The following ANKS1B variants were observed in gnomAD, a reference collection of about 807,000 sequenced individuals.
The protein encoded by ANKS1B is ankyrin repeat and sterile alpha motif domain containing 1B.
A neutral mutation model predicts 148.3 loss-of-function variants in ANKS1B; 36 were observed. The observed-to-expected ratio is 0.24, with a 90% CI of 0.19 to 0.32. The LOEUF is 0.32. Among genes scored for constraint, ANKS1B ranks in the 10% least tolerant of loss-of-function variants. The pLI, the probability that ANKS1B is intolerant of heterozygous loss-of-function variation, is 1.00. For synonymous variants in ANKS1B, 542 were observed against 560.8 expected (o/e 0.97, Z 0.47); for missense variants, 1,157 against 1,542.6 (o/e 0.75, Z 4.19).
At chr12:98,942,111 T>G (rs754883659) in intron 17 of ANKS1B, among the ~76,000 whole-genome samples, 1 of 151,720 alleles carries the variant, frequency 6.6e-6, no homozygotes, top group Non-Finnish European at 1.5e-5. Flanking sequence ...CATGGTGGTA[T>G]GTGCCTGTAA....
intron 8 of ANKS1B, among the ~76,000 whole-genome samples, chr12:99,742,604 G>T (rs897283584): frequency 6.6e-6 from 1 of 151,766 alleles, no homozygotes; most frequent in South Asian, 2.1e-4. Context: ...GGAGGCCAAG[G>T]CAGGCAGATC....
chr12:99,252,491 T>C (rs1022413385), intron 12 of ANKS1B, among the ~76,000 whole-genome samples: 8 of 152,052 alleles, frequency 5.3e-5, no homozygotes, highest in African/African-American at 1.7e-4. Context: ...ACAGGTGATA[T>C]CTCCAGTAAA....
chr12:99,826,708 A>G (rs182880365), intron 1 of ANKS1B, among the ~76,000 whole-genome samples: 12 of 152,300 alleles, frequency 7.9e-5, no homozygotes, highest in African/African-American at 2.9e-4. Context: ...GTTCAATGCA[A>G]TCCCTATCAA....
intron 17 of ANKS1B, among the ~76,000 whole-genome samples, chr12:98,856,105 T>A (rs891701301): frequency 6.6e-6 from 1 of 152,232 alleles, no homozygotes; most frequent in African/African-American, 2.4e-5. Context: ...ATAAATTAAA[T>A]AATTCCTCAG....
At position 98,754,470 on chromosome 12, in the gene ANKS1B, A is replaced by C. The variant is rs112865661; in HGVS notation, c.3580-2948T>G. Among the ~76,000 whole-genome samples the C allele has an allele frequency of 3.8e-3, 577 of 152,268 alleles. 1 individual carries two copies. The highest frequency in any genetic ancestry group is 0.013 in the African/African-American group (554 of 41,560). On this transcript the variant is annotated intron_variant, in intron 25 of 26. Coordinates refer to ENST00000683438, the MANE Select transcript of ANKS1B (RefSeq NM_001352186.2). ...AAGACACAGGCTCTTGGTCTTGTTC[A>C]TGCTACTGTGGAAGATGGCTGATTC...
chr12:98,741,343 G>C (rs796081610), downstream of ANKS1B, among the ~76,000 whole-genome samples: 18 of 152,274 alleles, frequency 1.2e-4, no homozygotes, highest in African/African-American at 4.3e-4. Context: ...AAGTCATAAA[G>C]CTACTGAACA....
intron 14 of ANKS1B, among the ~76,000 whole-genome samples, chr12:99,222,459 A>G (rs2085279595): frequency 6.6e-6 from 1 of 152,180 alleles, no homozygotes; most frequent in Admixed American, 6.5e-5. Flanking sequence ...TACCAAAAAT[A>G]CAAAAAATTA....
At chr12:99,082,256 G>A (rs1272431673) in intron 16 of ANKS1B, among the ~76,000 whole-genome samples, 5 of 152,166 alleles carry the variant, frequency 3.3e-5, no homozygotes, top group Admixed American at 2.0e-4. Context: ...ATCACACTAA[G>A]TGGCATGAAG....
intron 15 of ANKS1B, among the ~76,000 whole-genome samples, chr12:99,139,438 CTT>C (rs147656659): frequency 0.11 from 396 of 3,484 alleles, 152 homozygotes; most frequent in East Asian, 0.7. Context: ...TTCTTTCTTT[CTT>C]TTTCTTTCTT....
At chr12:99,646,791 T>G (rs1010184784) in intron 9 of ANKS1B, among the ~76,000 whole-genome samples, 1 of 151,782 alleles carries the variant, frequency 6.6e-6, no homozygotes, top group African/African-American at 2.4e-5. Flanking sequence ...ATTGAAAATA[T>G]TTGCAATACC....
At chr12:99,323,156 G>C (rs1263823981) in intron 12 of ANKS1B, among the ~76,000 whole-genome samples, 1 of 152,134 alleles carries the variant, frequency 6.6e-6, no homozygotes, top group Non-Finnish European at 1.5e-5. Context: ...TGAAGGGTCA[G>C]CATACTGATA....
chr12:99,781,063 C>CAAAAAAAAAAAAAAAAAAAAAATTAAA (rs35901124), intron 5 of ANKS1B, among the ~76,000 whole-genome samples: 1 of 120,234 alleles, frequency 8.3e-6, no homozygotes, highest in African/African-American at 3.2e-5. Flanking sequence ...CACATAATTG[C>CAAAAAAAAAAAAAAAAAAAAAATTAAA]AAAAAAAAAA....
intron 17 of ANKS1B, among the ~76,000 whole-genome samples, chr12:99,021,387 C>G (rs1206105599): frequency 6.6e-6 from 1 of 151,978 alleles, no homozygotes; most frequent in Non-Finnish European, 1.5e-5. Context: ...TCCAGAATAA[C>G]AGGAATTTGA....
chr12:99,121,603 G>C (rs1006623676), intron 15 of ANKS1B, among the ~76,000 whole-genome samples: 11 of 152,144 alleles, frequency 7.2e-5, no homozygotes, highest in African/African-American at 2.4e-4. Flanking sequence ...TATTTGTTGA[G>C]AACTTTGTGG....
chr12:99,545,584 A>G (rs1452428718), intron 9 of ANKS1B, among the ~76,000 whole-genome samples: 1 of 151,970 alleles, frequency 6.6e-6, no homozygotes, highest in Admixed American at 6.6e-5. Flanking sequence ...TTTCTTGACT[A>G]GAGTTTGATT....
intron 1 of ANKS1B, among the ~76,000 whole-genome samples, chr12:99,895,929 G>A (rs1389752006): frequency 6.7e-6 from 1 of 150,280 alleles, no homozygotes; most frequent in African/African-American, 2.4e-5. Flanking sequence ...TTTTGGATAA[G>A]TTTTTTTTTA....
intron 12 of ANKS1B, among the ~76,000 whole-genome samples, chr12:99,266,055 GA>G (rs2076412338): frequency 6.6e-6 from 1 of 152,056 alleles, no homozygotes; most frequent in South Asian, 2.1e-4. Context: ...ATACAGAAAG[GA>G]GTGAACTAGA....
chr12:99,915,295 A>G (rs1405164443), intron 1 of ANKS1B, among the ~76,000 whole-genome samples: 3 of 151,600 alleles, frequency 2.0e-5, no homozygotes, highest in Non-Finnish European at 4.4e-5. Context: ...ATATGGGAAG[A>G]AATCACCTAT....
intron 9 of ANKS1B, among the ~76,000 whole-genome samples, chr12:99,637,584 A>C (rs953101524): frequency 1.3e-5 from 2 of 152,050 alleles, no homozygotes; most frequent in African/African-American, 4.8e-5. Context: ...CTAGGATAAA[A>C]GCAGGCAGAA....
Sources: allele counts gnomAD v4.1 joint callset (sites outside exome capture counted in the v4.1 genomes callset), GRCh38; gene constraint gnomAD v4.1.1; transcripts MANE v1.5; gene names NCBI Gene and HGNC (gene_info 2026-07-23, HGNC 2026-07-21).